DNAH14: variants seen among roughly 807,000 people sequenced by gnomAD.
DNAH14 encodes the protein dynein axonemal heavy chain 14.
A neutral mutation model predicts 520.9 loss-of-function variants in DNAH14; 478 were observed. The ratio of observed to expected loss-of-function variants is 0.92; its 90% confidence interval spans 0.85 to 0.99. The LOEUF is 0.99. DNAH14 is among the 50% of genes least tolerant of loss of function. The pLI, the probability that DNAH14 is intolerant of heterozygous loss-of-function variation, is 0.00. For synonymous variants in DNAH14, 1,581 were observed against 1,757.2 expected (o/e 0.90, Z 2.51); for missense variants, 4,831 against 5,234.5 (o/e 0.92, Z 2.38).
chr1:225,081,088 C>T lies in DNAH14; in HGVS notation c.3136+340C>T, dbSNP rs998432319. Among the ~76,000 whole-genome samples the T allele has an allele frequency of 5.3e-5, 8 of 152,300 alleles. No homozygotes were observed. In the Middle Eastern group the frequency reaches 0.01, roughly 194 times the overall value. On this transcript the variant is annotated intron_variant, in intron 19 of 85. Coordinates refer to ENST00000682510, the MANE Select transcript of DNAH14 (RefSeq NM_001367479.1). ...GACCATCTGCATAATCATTCATTATCTTTTGGGCAGTGGGTAAACAGCTTA... is the reference window on the plus strand; with the variant it reads ...GACCATCTGCATAATCATTCATTATTTTTTGGGCAGTGGGTAAACAGCTTA...
At chr1:224,941,497 T>C (rs1294264421) in intron 1 of DNAH14, among the ~76,000 whole-genome samples, 1 of 152,238 alleles carries the variant, frequency 6.6e-6, no homozygotes, top group African/African-American at 2.4e-5. Flanking sequence ...GTAGTTTCTT[T>C]TGCTGTGCAG....
At chr1:225,201,854 G>A (rs1025052246) in intron 38 of DNAH14, among the ~76,000 whole-genome samples, 2 of 150,856 alleles carry the variant, frequency 1.3e-5, no homozygotes, top group Admixed American at 6.6e-5. Context: ...CCTGCCAGGA[G>A]GTAGCACTTT....
chr1:225,322,908 T>C, intron 62 of DNAH14, 85 bp downstream of exon 62: 12 of 1,285,236 alleles, frequency 9.3e-6, no homozygotes, highest in Non-Finnish European at 1.3e-5. Context: ...ATTGTTCTAT[T>C]CTTAGATGGA....
intron 8 of DNAH14, among the ~76,000 whole-genome samples, chr1:224,976,211 G>A (rs1158357748): frequency 3.9e-5 from 6 of 152,058 alleles, no homozygotes; most frequent in Admixed American, 3.3e-4. Flanking sequence ...TGTTGATTTG[G>A]GGTGGAGAGT....
chr1:224,931,822 A>G (rs976201780), intron 1 of DNAH14, among the ~76,000 whole-genome samples: 3 of 152,106 alleles, frequency 2.0e-5, no homozygotes, highest in Non-Finnish European at 4.4e-5. Flanking sequence ...TTCATTTTGT[A>G]TATATGTACC....
rs1310144918 is a variant in DNAH14 at position 225,290,659 on chromosome 1, A to G, written c.8469+577A>G. 2.0e-3 allele frequency among the ~76,000 whole-genome samples: 154 copies of G among 77,984 alleles called. 3 individuals are homozygous for G. The highest frequency in any genetic ancestry group is 6.9e-3 in the African/African-American group (88 of 12,678). The allele number at this position is 77,984 out of a possible 152,430, so 51.2% of individuals were successfully genotyped here. A position where few individuals can be genotyped will look rare whatever the true frequency, so the allele number is the denominator to read the frequency against. ...TGTGTGTGTGTGTGTATATATATAT[A>G]TATATATATATATATATATATATAT... On this transcript the variant is annotated intron_variant, in intron 55 of 85. Transcript: ENST00000682510.
Position 225,355,733 on chromosome 1 carries a change from T to C in DNAH14, c.11619+1845T>C, listed in dbSNP as rs963973435. 7.2e-5 allele frequency among the ~76,000 whole-genome samples: 11 copies of C among 152,334 alleles called. No homozygotes were observed. In the East Asian group the frequency reaches 2.1e-3, roughly 29 times the overall value. On this transcript the variant is annotated intron_variant, in intron 73 of 85. Transcript: ENST00000682510. ...GGGTTTTATTGTGATAAAATATAGA[T>C]ACATTATTTCATTTAATCTTCATAA...
intron 27 of DNAH14, among the ~76,000 whole-genome samples, chr1:225,136,363 C>T (rs934679152): frequency 3.9e-5 from 6 of 152,026 alleles, no homozygotes; most frequent in African/African-American, 1.2e-4. Flanking sequence ...CGATGAATTC[C>T]CTGAGCATTT....
intron 26 of DNAH14, among the ~76,000 whole-genome samples, chr1:225,119,964 T>C (rs1296178586): frequency 1.3e-5 from 2 of 152,208 alleles, no homozygotes; most frequent in African/African-American, 2.4e-5. Flanking sequence ...TCTCCTTTTC[T>C]TCAATTCTTG....
intron 50 of DNAH14, 25 bp downstream of exon 50, chr1:225,270,891 C>G (rs573784452): frequency 2.8e-5 from 43 of 1,535,386 alleles, no homozygotes; most frequent in Non-Finnish European, 3.8e-5. Context: ...TCATTTTCTA[C>G]TGAAAAAAAT....
intron 17 of DNAH14, among the ~76,000 whole-genome samples, chr1:225,054,835 A>G (rs968701793): frequency 6.6e-6 from 1 of 151,988 alleles, no homozygotes; most frequent in Non-Finnish European, 1.5e-5. Context: ...TTTATTTTTT[A>G]TATTCTCCTT....
At chr1:225,259,002 CAAAA>C in intron 45 of DNAH14, 115 bp from the exon 46 acceptor site, 1 of 1,129,472 alleles carries the variant, frequency 8.9e-7, no homozygotes. Context: ...AAGGGAAGAA[CAAAA>C]AAACACTTTT....
At chr1:225,338,211 A>T (rs756233899) in intron 68 of DNAH14, 29 bp downstream of exon 68, 36 of 1,551,334 alleles carry the variant, frequency 2.3e-5, no homozygotes, top group Non-Finnish European at 3.1e-5. Context: ...ATTGAGTCAA[A>T]TGTCTATGCT....
At chr1:225,113,053 G>A (rs769640395) in intron 23 of DNAH14, among the ~76,000 whole-genome samples, 1 of 151,998 alleles carries the variant, frequency 6.6e-6, no homozygotes, top group African/African-American at 2.4e-5. Context: ...GTTGGTGTTG[G>A]CATTGAAGAG....
At chr1:225,308,519 A>T (rs1396425808) in intron 60 of DNAH14, 109 bp downstream of exon 60, 2 of 1,067,206 alleles carry the variant, frequency 1.9e-6, no homozygotes, top group Admixed American at 6.8e-5. Flanking sequence ...TAGTGCCCCA[A>T]CTATGGTTAC....
intron 71 of DNAH14, among the ~76,000 whole-genome samples, chr1:225,350,350 C>T (rs4459070): frequency 0.28 from 42,368 of 151,548 alleles, 6,136 homozygotes; most frequent in East Asian, 0.37. Flanking sequence ...AATTTTACCT[C>T]AAGAAACTAG....
intron 5 of DNAH14, among the ~76,000 whole-genome samples, chr1:224,965,424 T>C (rs1354287622): frequency 6.6e-6 from 1 of 152,058 alleles, no homozygotes; most frequent in Non-Finnish European, 1.5e-5. Context: ...CAAGGATCAG[T>C]AGATTTTTTT....
rs571908643 is a variant in DNAH14 at position 225,134,299 on chromosome 1, A to C, written c.4255-6469A>C. ...TGGTGAGAGAGGGCATCCTTGTTTT[A>C]TGCCAGTTTTCAAAGGGAATGCTTC... On this transcript the variant is annotated intron_variant, in intron 27 of 85. Coordinates refer to ENST00000682510, the MANE Select transcript of DNAH14 (RefSeq NM_001367479.1). Among the ~76,000 whole-genome samples the C allele has an allele frequency of 2.0e-5, 3 of 152,106 alleles. No homozygotes were observed. In the South Asian group the frequency reaches 6.2e-4, roughly 32 times the overall value.
chr1:225,277,676 C>G (rs930263330), intron 54 of DNAH14, among the ~76,000 whole-genome samples, 174 bp downstream of exon 54: 1 of 152,156 alleles, frequency 6.6e-6, no homozygotes, highest in Non-Finnish European at 1.5e-5. Flanking sequence ...AATCTGTCAG[C>G]AAATAAAAAT....
Sources: allele counts gnomAD v4.1 joint callset (sites outside exome capture counted in the v4.1 genomes callset), GRCh38; gene constraint gnomAD v4.1.1; transcripts MANE v1.5; gene names NCBI Gene and HGNC (gene_info 2026-07-23, HGNC 2026-07-21).